YEATS2: variants seen among roughly 807,000 people sequenced by gnomAD.
YEATS2 encodes the protein YEATS domain-containing protein 2.
In YEATS2, 77 loss-of-function variants were observed where a neutral mutation model predicts 163.2. The ratio of observed to expected loss-of-function variants is 0.47; its 90% CI spans 0.39 to 0.57. The LOEUF is 0.57. Ranked by LOEUF, YEATS2 falls within the 20% of genes least tolerant of loss-of-function variation. The pLI is 0.00. For synonymous variants in YEATS2, 631 were observed against 645.1 expected (o/e 0.98, Z 0.33); for missense variants, 1,549 against 1,729.8 (o/e 0.90, Z 1.85).
chr3:183,808,077 G>A lies in YEATS2; in HGVS notation c.4059G>A (p.Ala1353=), dbSNP rs1181267379. The A allele has an allele frequency of 3.9e-6, 6 of 1,558,320 alleles. No homozygotes were observed. Among genetic ancestry groups the A allele is most frequent in the Non-Finnish European group, 5.2e-6 (6 of 1,150,512 alleles). ...QPVALHRNVY[A]SVVEDMILKA... ...TGGCACTCCACAGGAACGTGTATGC[G>A]TCCGTGGTGGAGGACATGATCCTGA... Residue 1353 remains alanine (A), a synonymous_variant, in exon 29 of 31, where the codon GCG becomes GCA. Transcript: ENST00000305135.
chr3:183,788,869 C>A (rs1423852212), intron 20 of YEATS2, among the ~76,000 whole-genome samples: 1 of 152,218 alleles, frequency 6.6e-6, no homozygotes, highest in Non-Finnish European at 1.5e-5. Flanking sequence ...GTGTTTCTCT[C>A]ACAATTAATG....
chr3:183,782,156 C>T (rs1384596537), intron 19 of YEATS2, among the ~76,000 whole-genome samples: 1 of 152,050 alleles, frequency 6.6e-6, no homozygotes, highest in Non-Finnish European at 1.5e-5. Flanking sequence ...GTTGCCCAGG[C>T]TGGAGTGCAG....
intron 22 of YEATS2, 70 bp from the exon 23 acceptor site, chr3:183,798,821 G>C: frequency 8.2e-7 from 1 of 1,225,540 alleles, no homozygotes; most frequent in Non-Finnish European, 1.2e-6. Context: ...GTTGTCACCT[G>C]GAAGTAGATC....
At chr3:183,740,396 A>G (rs979084288) in intron 8 of YEATS2, among the ~76,000 whole-genome samples, 2 of 152,232 alleles carry the variant, frequency 1.3e-5, no homozygotes, top group African/African-American at 2.4e-5. Context: ...AATCAAAACC[A>G]CTATGAGATA....
At chr3:183,807,128 C>T (rs1465430947) in intron 28 of YEATS2, 36 bp downstream of exon 28, 16 of 1,570,496 alleles carry the variant, frequency 1.0e-5, no homozygotes, top group Non-Finnish European at 1.4e-5. Context: ...ATGCAGCAGA[C>T]CAGCTCAGAG....
intron 1 of YEATS2, among the ~76,000 whole-genome samples, chr3:183,711,536 T>C (rs1373990803): frequency 6.7e-6 from 1 of 148,200 alleles, no homozygotes; most frequent in South Asian, 2.2e-4. Context: ...TGTCCAAAAA[T>C]AGTCATTTAT....
In YEATS2 at chr3:183,810,550, CAA is replaced by C. The variant is rs1344298253; in HGVS notation, c.4238_4239del (p.Lys1413ThrfsTer7). On this transcript the variant is annotated frameshift_variant, in exon 31 of 31. Coordinates refer to ENST00000305135, the MANE Select transcript of YEATS2 (RefSeq NM_018023.5). LOFTEE classifies it high-confidence loss of function. ...TTCCTTTTCTGGACTTCCTCACAAA[CAA>C]ACACATGGGAATATTGAATGAGGAC... ...NIPFLDFLTNKHMGILNEDQ is the reference protein window; with the variant it reads ...NIPFLDFLTNXHMGILNEDQ The C allele has an allele frequency of 6.2e-7, 1 of 1,614,136 alleles. No homozygotes were observed. The highest frequency in any genetic ancestry group is 1.7e-5 in the Admixed American group (1 of 60,024).
intron 17 of YEATS2, among the ~76,000 whole-genome samples, chr3:183,774,197 A>G (rs1722747672): frequency 6.6e-6 from 1 of 152,206 alleles, no homozygotes; most frequent in African/African-American, 2.4e-5. Flanking sequence ...GACTTCATTT[A>G]GATCAGGGGT....
Position 183,793,360 on chromosome 3 carries a change from A to AGTTT in YEATS2, c.3097+2380_3097+2381insGTTT. ...TGATTATATTTTTCTCTTGATTTCT[A>AGTTT]CCTCCCTGTTAAAATTGACCAACTT... On this transcript the variant is annotated intron_variant, in intron 21 of 30. Transcript: ENST00000305135. The AGTTT allele has an allele frequency of 2.8e-6, 3 of 1,088,978 alleles. No homozygotes were observed. The South Asian group carries it at 7.5e-5, about 27-fold the overall frequency. 67.5% of individuals were successfully genotyped at this position (1,088,978 alleles called of 1,614,324 possible).
At chr3:183,793,496 TG>T in intron 21 of YEATS2, 2 of 969,556 alleles carry the variant, frequency 2.1e-6, no homozygotes, top group Non-Finnish European at 2.5e-6. Flanking sequence ...ATGAATACCT[TG>T]TCTGTTTTCT....
At chr3:183,791,813 A>C (rs1347063136) in intron 21 of YEATS2, among the ~76,000 whole-genome samples, 1 of 152,216 alleles carries the variant, frequency 6.6e-6, no homozygotes, top group Non-Finnish European at 1.5e-5. Context: ...TTGTGCCTGC[A>C]CTAGAGGGCC....
At chr3:183,749,857 G>C (rs1172382225) in intron 9 of YEATS2, among the ~76,000 whole-genome samples, 2 of 152,092 alleles carry the variant, frequency 1.3e-5, no homozygotes, top group Admixed American at 6.5e-5. Flanking sequence ...TCGCTCTGTT[G>C]CCCAGGTTGG....
At chr3:183,772,784 TACAC>T (rs879334321) in intron 16 of YEATS2, among the ~76,000 whole-genome samples, 4 of 111,236 alleles carry the variant, frequency 3.6e-5, no homozygotes, top group Non-Finnish European at 6.1e-5. Flanking sequence ...CACACCCACA[TACAC>T]ACACACACAC....
chr3:183,754,425 A>AC (rs1178290537), intron 11 of YEATS2, 60 bp downstream of exon 11: 5 of 1,535,932 alleles, frequency 3.3e-6, no homozygotes, highest in Non-Finnish European at 4.4e-6. Context: ...AATTGTTGGA[A>AC]CAACAAAACA....
At chr3:183,734,760 G>C (rs1718165066) in intron 7 of YEATS2, among the ~76,000 whole-genome samples, 1 of 152,156 alleles carries the variant, frequency 6.6e-6, no homozygotes, top group Non-Finnish European at 1.5e-5. Flanking sequence ...TTGGCCATAT[G>C]AATAAATTAG....
At chr3:183,715,892 A>G (rs1192056996) in intron 2 of YEATS2, among the ~76,000 whole-genome samples, 2 of 152,180 alleles carry the variant, frequency 1.3e-5, no homozygotes, top group East Asian at 3.8e-4. Context: ...CAAATCATCA[A>G]CTGGGTGTCT....
At chr3:183,745,316 A>G (rs934673367) in intron 8 of YEATS2, among the ~76,000 whole-genome samples, 1 of 152,214 alleles carries the variant, frequency 6.6e-6, no homozygotes, top group Non-Finnish European at 1.5e-5. Context: ...AATTCCTGTT[A>G]AAGTGCGAAT....
intron 21 of YEATS2, 125 bp downstream of exon 21, chr3:183,791,105 C>T: frequency 3.9e-6 from 5 of 1,277,936 alleles, no homozygotes; most frequent in Non-Finnish European, 5.3e-6. Flanking sequence ...ACAATCTCGA[C>T]TCACTGCAAC....
intron 15 of YEATS2, 89 bp downstream of exon 15, chr3:183,762,368 C>A: frequency 6.9e-7 from 1 of 1,447,328 alleles, no homozygotes; most frequent in Non-Finnish European, 9.2e-7. Context: ...TTCACGGTGA[C>A]AGGGTTGATG....
Sources: gnomAD v4.1 joint callset for allele counts (sites outside exome capture counted in the v4.1 genomes callset) on GRCh38, gnomAD v4.1.1 for gene constraint, MANE v1.5 for transcripts, NCBI Gene and HGNC (gene_info 2026-07-23, HGNC 2026-07-21) for gene names.